The following RNF157 variants were observed in gnomAD, a reference collection of about 807,000 sequenced individuals.
RNF157 encodes E3 ubiquitin ligase RNF157.
RNF157 carries 55 observed loss-of-function variants against 88.3 expected under a neutral mutation model. That is an observed-to-expected ratio of 0.62 (90% CI 0.50 to 0.78). The LOEUF (loss-of-function observed/expected upper bound fraction) is 0.78, where lower values mean the gene tolerates loss of function less well. Among genes scored for constraint, RNF157 ranks in the 30% least tolerant of loss-of-function variants. RNF157 has a pLI of 0.00. For missense variants in RNF157, 788 were observed against 860.8 expected, an observed-to-expected ratio of 0.92 and a Z score of 1.06; for synonymous variants, 334 against 341.2, an observed-to-expected ratio of 0.98 and a Z score of 0.23.
chr17:76,212,538 T>A, intron 1 of RNF157, 56 bp from the exon 2 acceptor site: 3 of 1,092,272 alleles, frequency 2.7e-6, no homozygotes, highest in South Asian at 1.3e-5. Flanking sequence ...AACCTAAATC[T>A]AGTAAAAAAA....
intron 1 of RNF157, among the ~76,000 whole-genome samples, chr17:76,231,583 G>C (rs73364511): frequency 0.011 from 1,744 of 152,098 alleles, 29 homozygotes; most frequent in African/African-American, 0.04. Context: ...CTTGAGCCCA[G>C]GAGTAGAAGA....
At chr17:76,238,085 CAAAAAAA>C (rs555165221) in intron 1 of RNF157, among the ~76,000 whole-genome samples, 43 of 93,740 alleles carry the variant, frequency 4.6e-4, no homozygotes, top group African/African-American at 1.4e-3. Context: ...GACGATGACT[CAAAAAAA>C]AAAAAAAAAA....
intron 9 of RNF157, 78 bp downstream of exon 9, chr17:76,162,474 A>C: frequency 9.2e-7 from 1 of 1,084,288 alleles, no homozygotes; most frequent in Non-Finnish European, 1.4e-6. Flanking sequence ...TTGGCACGCT[A>C]AATTTCTGGA....
At chr17:76,148,358 C>T (rs766046818) in intron 18 of RNF157, among the ~76,000 whole-genome samples, 1 of 151,036 alleles carries the variant, frequency 6.6e-6, no homozygotes, top group Non-Finnish European at 1.5e-5. Flanking sequence ...GCTCCGCCTC[C>T]CGGGTTCACG....
intron 2 of RNF157, among the ~76,000 whole-genome samples, chr17:76,186,474 T>C (rs1023591984): frequency 6.6e-6 from 1 of 151,924 alleles, no homozygotes; most frequent in African/African-American, 2.4e-5. Context: ...ACCACTGCAC[T>C]CCAGCCTGAG....
intron 1 of RNF157, among the ~76,000 whole-genome samples, chr17:76,230,163 A>T (rs187171269): frequency 3.6e-4 from 55 of 152,334 alleles, no homozygotes; most frequent in Non-Finnish European, 1.5e-5. Context: ...TCATAATGTG[A>T]GTCCTTTGGC....
In RNF157 at chr17:76,157,114, A is replaced by G. The variant is rs574472373; in HGVS notation, c.1414-793T>C. On this transcript the variant is annotated intron_variant, in intron 13 of 18. Coordinates refer to ENST00000269391, the MANE Select transcript of RNF157 (RefSeq NM_052916.3). The surrounding 1 kb of genome is among the most constrained non-coding windows in gnomAD (Gnocchi z 5.6). ...CCCGAGTAGCTGGGACTACAGGTGC[A>G]TGCCACCACACCTGGCTAATTTTTT... Among the ~76,000 whole-genome samples the G allele has an allele frequency of 2.0e-5, 3 of 151,972 alleles. No homozygotes were observed. The highest frequency in any genetic ancestry group is 4.8e-5 in the African/African-American group (2 of 41,364).
chr17:76,205,826 T>C (rs2069672905), intron 2 of RNF157, among the ~76,000 whole-genome samples: 1 of 152,142 alleles, frequency 6.6e-6, no homozygotes, highest in Admixed American at 6.6e-5. Flanking sequence ...ACTGTGTCAA[T>C]GCGGCCCAGC....
intron 1 of RNF157, among the ~76,000 whole-genome samples, chr17:76,227,051 G>A (rs981169586): frequency 1.3e-5 from 2 of 152,058 alleles, no homozygotes; most frequent in Non-Finnish European, 1.5e-5. Context: ...GTGCACGTGC[G>A]GAAAAAACTA....
At chr17:76,197,322 C>G (rs184946457) in intron 2 of RNF157, among the ~76,000 whole-genome samples, 1 of 152,256 alleles carries the variant, frequency 6.6e-6, no homozygotes, top group African/African-American at 2.4e-5. Context: ...AGGACTGTTT[C>G]ATTGAAAAGA....
In RNF157 at chr17:76,167,123, G is replaced by A; in HGVS notation, c.447C>T (p.Tyr149=). The change falls in exon 5 of 19, where the codon TAC becomes TAT. Residue 149 remains tyrosine, a synonymous_variant. Transcript: ENST00000269391. ...TEEFQNGIAS[Y]IPKDNSLQSE... ...ACTGGAGGCTGTTGTCTTTGGGAAT[G>A]TAGCTATTGATACAAGTGGGAGGCA... The A allele has an allele frequency of 1.2e-6, 2 of 1,611,370 alleles. No individual in the cohort carries two copies. The highest frequency in any genetic ancestry group is 1.7e-6 in the Non-Finnish European group (2 of 1,178,854).
At position 76,228,221 on chromosome 17, in the gene RNF157, C is replaced by T. The variant is rs116013549; in HGVS notation, c.88+11932G>A. Reference sequence around the variant, plus strand: ...GACCAGTACAACACAGACTGAACAACGGTAGCTTCACAGCATTTAGAGAAA... The same window carrying T: ...GACCAGTACAACACAGACTGAACAATGGTAGCTTCACAGCATTTAGAGAAA... On this transcript the variant is annotated intron_variant, in intron 1 of 18. Coordinates refer to ENST00000269391, the MANE Select transcript of RNF157 (RefSeq NM_052916.3). Among the ~76,000 whole-genome samples, 1,163 of 152,264 alleles carry T rather than the reference C, an allele frequency of 7.6e-3. 15 individuals carry two copies. Among genetic ancestry groups the T allele is most frequent in the African/African-American group, 0.026 (1,100 of 41,534 alleles).
In RNF157 at chr17:76,155,272, C is replaced by A. The variant is rs189559133; in HGVS notation, c.1744G>T (p.Ala582Ser). The change falls in exon 16 of 19, where the codon GCT becomes TCT. Residue 582 changes from alanine (A) to serine (S), a missense_variant. Ala to Ser is a moderately conservative substitution (Grantham distance 99). Coordinates refer to ENST00000269391, the MANE Select transcript of RNF157 (RefSeq NM_052916.3). ...SPDSNFAGLP[A>S]GEQDAEGNDV... is the part of the protein sequence containing the mutation. ...GTTACCTCTGCATCCTGCTCTCCAG[C>A]TGGGAGGCCAGCAAAGTTGCTGTCT... is the stretch of plus-strand genomic sequence containing the variant. 6.2e-4 allele frequency: 1,006 copies of A among 1,614,250 alleles called. 9 individuals are homozygous for A. The highest frequency in any genetic ancestry group is 1.8e-4 in the Non-Finnish European group (218 of 1,180,028).
intron 18 of RNF157, among the ~76,000 whole-genome samples, chr17:76,147,797 C>T (rs1384662177): frequency 6.6e-6 from 1 of 152,216 alleles, no homozygotes; most frequent in Non-Finnish European, 1.5e-5. Flanking sequence ...TGGCTGAATC[C>T]AGGCCCCTCC....
In RNF157 at chr17:76,203,257, C is replaced by T. The variant is rs1427604113; in HGVS notation, c.207+9107G>A. On this transcript the variant is annotated intron_variant, in intron 2 of 18. Coordinates refer to ENST00000269391, the MANE Select transcript of RNF157 (RefSeq NM_052916.3). Reference sequence around the variant, plus strand: ...CCACCCACCTCAGTCTCCCAAAATGCTGCGACTACAGGCGTCAGCCATCAG... The same window carrying T: ...CCACCCACCTCAGTCTCCCAAAATGTTGCGACTACAGGCGTCAGCCATCAG... 2.5e-4 allele frequency among the ~76,000 whole-genome samples: 38 copies of T among 152,182 alleles called. 1 individual carries two copies. Among genetic ancestry groups the T allele is most frequent in the Non-Finnish European group, 1.5e-5 (1 of 68,038 alleles).
At position 76,161,597 on chromosome 17, in the gene RNF157, AG is replaced by A; in HGVS notation, c.1002del (p.Leu335CysfsTer32). On this transcript the variant is annotated frameshift_variant, in exon 11 of 19. Coordinates refer to ENST00000269391, the MANE Select transcript of RNF157 (RefSeq NM_052916.3). LOFTEE classifies it high-confidence loss of function. The surrounding 1 kb of genome is among the most constrained non-coding windows in gnomAD (Gnocchi z 4.6). ...ATGGGGTTAAAGCTGGTTGGGGACA[AG>A]GGGCCCAATTTTTTCCTCATGGCTC... ...QIRAMRKKLG[P>X]LSPTSFNPII... 1.2e-6 allele frequency: 2 copies of A among 1,614,110 alleles called. No homozygotes were observed. Among genetic ancestry groups the A allele is most frequent in the Non-Finnish European group, 1.7e-6 (2 of 1,180,004 alleles).
At chr17:76,164,827 A>G (rs780420409) in intron 7 of RNF157, 32 bp from the exon 8 acceptor site, 64 of 1,551,186 alleles carry the variant, frequency 4.1e-5, no homozygotes, top group Non-Finnish European at 5.1e-5. Flanking sequence ...TATGACAAGG[A>G]AGGGAGGGTA....
At chr17:76,225,025 A>G (rs2070055149) in intron 1 of RNF157, among the ~76,000 whole-genome samples, 1 of 152,066 alleles carries the variant, frequency 6.6e-6, no homozygotes, top group South Asian at 2.1e-4. Flanking sequence ...CACAAAAATT[A>G]GCCGGGTATG....
intron 1 of RNF157, among the ~76,000 whole-genome samples, chr17:76,219,160 C>T (rs887095268): frequency 6.6e-6 from 1 of 151,258 alleles, no homozygotes; most frequent in African/African-American, 2.4e-5. Context: ...AACTAACAGA[C>T]AAAAATAATA....
Sources: gnomAD v4.1 joint callset for allele counts (sites outside exome capture counted in the v4.1 genomes callset) on GRCh38, gnomAD v4.1.1 for gene constraint, Gnocchi (gnomAD v3.1) non-coding constraint, MANE v1.5 for transcripts, NCBI Gene and HGNC (gene_info 2026-07-23, HGNC 2026-07-21) for gene names.